Variants in SNTG2 observed in about 807,000 individuals in gnomAD.
SNTG2 encodes the protein syntrophin gamma 2.
In SNTG2, 74 loss-of-function variants were observed where a neutral mutation model predicts 70.9. That is an observed-to-expected ratio of 1.04 (90% CI 0.86 to 1.27). The LOEUF (loss-of-function observed/expected upper bound fraction) is 1.27. SNTG2 is among the 50% of genes most tolerant of loss of function. The pLI is 0.00. For synonymous variants in SNTG2, 278 were observed against 273.8 expected (o/e 1.02, Z -0.15); for missense variants, 717 against 690.7 (o/e 1.04, Z -0.43).
In SNTG2 at chr2:950,990, G is replaced by A. The variant is rs1659934457; in HGVS notation, c.-7G>A. 1 of 1,239,442 alleles carries A rather than the reference G, an allele frequency of 8.1e-7. No homozygotes were observed. Among genetic ancestry groups the A allele is most frequent in the South Asian group, 3.6e-5 (1 of 27,908 alleles). The allele number at this position is 1,239,442 out of a possible 1,614,324, so 76.8% of individuals were successfully genotyped here. A position where few individuals can be genotyped will look rare whatever the true frequency, so the allele number is the denominator to read the frequency against. ...CCCGGAGCGCGGACCCAGCCGCAGG[G>A]GCGGCGATGGGCACCGAGGGACCCC... On this transcript the variant is annotated 5_prime_UTR_variant, in exon 1 of 17. Transcript: ENST00000308624.
At chr2:989,409 T>A (rs1339777532) in intron 1 of SNTG2, among the ~76,000 whole-genome samples, 1 of 150,262 alleles carries the variant, frequency 6.7e-6, no homozygotes, top group Non-Finnish European at 1.5e-5. Context: ...TGAGGGTTTT[T>A]AATCCTAAAT....
intron 1 of SNTG2, among the ~76,000 whole-genome samples, chr2:1,041,496 T>C (rs530645643): frequency 6.6e-6 from 1 of 152,328 alleles, no homozygotes; most frequent in Admixed American, 6.5e-5. Context: ...AGTTGAATTG[T>C]GATCTCCAGT....
chr2:1,301,652 C>T (rs1372812837), intron 14 of SNTG2, among the ~76,000 whole-genome samples: 1 of 152,132 alleles, frequency 6.6e-6, no homozygotes, highest in East Asian at 1.9e-4. Context: ...GCGTTCTCAT[C>T]AGACACTACA....
chr2:1,180,813 C>A (rs1408465427), intron 8 of SNTG2, among the ~76,000 whole-genome samples: 1 of 151,934 alleles, frequency 6.6e-6, no homozygotes, highest in East Asian at 1.9e-4. Flanking sequence ...GACTTGGAAC[C>A]AACCCAAATG....
In SNTG2 at chr2:1,155,380, C is replaced by T. The variant is rs373866744; in HGVS notation, c.412-10168C>T. Among the ~76,000 whole-genome samples, 39 of 152,130 alleles carry T rather than the reference C, an allele frequency of 2.6e-4. 1 individual carries two copies. Among genetic ancestry groups the T allele is most frequent in the Admixed American group, 1.2e-3 (18 of 15,284 alleles). ...ACACACATGTCCCTCATCACAGACA[C>T]GTGTACACATACACCACATATACAT... On this transcript the variant is annotated intron_variant, in intron 6 of 16. Transcript: ENST00000308624.
At chr2:966,871 T>C (rs62105721) in intron 1 of SNTG2, among the ~76,000 whole-genome samples, 63,824 of 151,716 alleles carry the variant, frequency 0.42, 14,001 homozygotes, top group Middle Eastern at 0.52. Context: ...TGCTTGAACC[T>C]GGGAGGTGGG....
rs1251984154 is a variant in SNTG2 at position 1,267,498 on chromosome 2, A to C, written c.1211A>C (p.Glu404Ala). Reference sequence around the variant, plus strand: ...GGGAAGAGCCATGTTTTCAACGTGGAGCTTGGCAGCGAGCTGGCCATGTGG... The same window carrying C: ...GGGAAGAGCCATGTTTTCAACGTGGCGCTTGGCAGCGAGCTGGCCATGTGG... ...GHGKSHVFNV[E>A]LGSELAMWEK... Residue 404 changes from glutamate (E) to alanine (A), a missense_variant, in exon 14 of 17, where the codon GAG becomes GCG. By Grantham distance (107) the Glu-to-Ala change is moderately radical (BLOSUM62 -1). Transcript: ENST00000308624. 5.0e-6 allele frequency: 8 copies of C among 1,613,920 alleles called. No homozygotes were observed. The highest frequency in any genetic ancestry group is 1.7e-6 in the Non-Finnish European group (2 of 1,179,888).
chr2:1,025,649 C>T (rs1384446922), intron 1 of SNTG2, among the ~76,000 whole-genome samples: 1 of 152,154 alleles, frequency 6.6e-6, no homozygotes, highest in South Asian at 2.1e-4. Context: ...TCACAGCCAG[C>T]GGTGCAGCGT....
At chr2:1,267,324 T>G in intron 13 of SNTG2, 41 bp from the exon 14 acceptor site, 1 of 1,541,754 alleles carries the variant, frequency 6.5e-7, no homozygotes, top group South Asian at 1.2e-5. Flanking sequence ...GGGAATGACC[T>G]TCCAGCGCTG....
At chr2:1,183,949 G>A (rs1274733573) in intron 8 of SNTG2, among the ~76,000 whole-genome samples, 2 of 152,120 alleles carry the variant, frequency 1.3e-5, no homozygotes, top group Non-Finnish European at 2.9e-5. Context: ...CTGTTAGGAA[G>A]GGCTGTCAAA....
chr2:1,113,480 G>C (rs1666666037), intron 4 of SNTG2, among the ~76,000 whole-genome samples: 1 of 152,060 alleles, frequency 6.6e-6, no homozygotes, highest in Non-Finnish European at 1.5e-5. Flanking sequence ...AGGGTCGTGT[G>C]TACTAACTGA....
In SNTG2 at chr2:1,018,245, T is replaced by G. The variant is rs140708557; in HGVS notation, c.73-65273T>G. On this transcript the variant is annotated intron_variant, in intron 1 of 16. Transcript: ENST00000308624. ...TGGCTCTTACGTTCTGTTCAGTGCA[T>G]CAAAGCAAGGGAAACATCATCTTGC... Among the ~76,000 whole-genome samples the G allele has an allele frequency of 4.7e-3, 721 of 152,302 alleles. 4 individuals carry two copies. Among genetic ancestry groups the G allele is most frequent in the Middle Eastern group, 0.01 (3 of 294 alleles).
chr2:980,011 A>G (rs969765134), intron 1 of SNTG2, among the ~76,000 whole-genome samples: 1 of 152,236 alleles, frequency 6.6e-6, no homozygotes, highest in African/African-American at 2.4e-5. Flanking sequence ...AAAATTTTTA[A>G]TGGATGAAAT....
intron 6 of SNTG2, chr2:1,160,032 G>A (rs1215800145): frequency 6.6e-6 from 1 of 152,190 alleles, no homozygotes; most frequent in Non-Finnish European, 1.5e-5. Flanking sequence ...GCTGTCAGAT[G>A]TGTTAGATAA....
At chr2:1,116,970 T>G (rs1667047924) in intron 4 of SNTG2, among the ~76,000 whole-genome samples, 1 of 139,172 alleles carries the variant, frequency 7.2e-6, no homozygotes, top group African/African-American at 2.8e-5. Flanking sequence ...GGCGTGTGGG[T>G]GCTCTGGCAT....
intron 1 of SNTG2, among the ~76,000 whole-genome samples, chr2:1,054,110 T>C (rs1299878709): frequency 6.6e-6 from 1 of 152,192 alleles, no homozygotes; most frequent in African/African-American, 2.4e-5. Context: ...ACATGTCTGC[T>C]GGGGCACTGC....
intron 4 of SNTG2, among the ~76,000 whole-genome samples, chr2:1,116,732 G>C (rs1209757777): frequency 1.3e-5 from 2 of 148,956 alleles, no homozygotes; most frequent in East Asian, 4.1e-4. Flanking sequence ...GTGTGTGCGT[G>C]CCCTGGTGTA....
At chr2:956,292 G>C (rs933219098) in intron 1 of SNTG2, among the ~76,000 whole-genome samples, 7 of 139,138 alleles carry the variant, frequency 5.0e-5, no homozygotes, top group Non-Finnish European at 9.2e-5. Context: ...CTCCCCCTGC[G>C]CCTGCCCCTG....
At chr2:1,153,592 T>G (rs950123655) in intron 6 of SNTG2, among the ~76,000 whole-genome samples, 2 of 152,246 alleles carry the variant, frequency 1.3e-5, no homozygotes, top group African/African-American at 2.4e-5. Context: ...AAAGCTTAAA[T>G]GCACTTGTCT....
Sources: gnomAD v4.1 joint callset for allele counts (sites outside exome capture counted in the v4.1 genomes callset) on GRCh38, gnomAD v4.1.1 for gene constraint, MANE v1.5 for transcripts, NCBI Gene and HGNC (gene_info 2026-07-23, HGNC 2026-07-21) for gene names.